The following PDLIM4 variants were observed in gnomAD, a reference collection of about 807,000 sequenced individuals.
The protein encoded by PDLIM4 is PDZ and LIM domain protein 4.
In PDLIM4, 19 loss-of-function variants were observed where a neutral mutation model predicts 31.3. The ratio of observed to expected loss-of-function variants is 0.61; its 90% confidence interval spans 0.42 to 0.89. The LOEUF is 0.89. PDLIM4 is among the 40% of genes least tolerant of loss of function. The pLI is 0.00. For missense variants in PDLIM4, 442 were observed against 461.1 expected (o/e 0.96, Z 0.38); for synonymous variants, 176 against 190.1 (o/e 0.93, Z 0.61).
intron 2 of PDLIM4, among the ~76,000 whole-genome samples, chr5:132,262,977 A>T (rs1756409975): frequency 1.3e-5 from 2 of 152,226 alleles, no homozygotes; most frequent in Middle Eastern, 3.2e-3. Context: ...CTTTTAACTT[A>T]GACTAGAAGT....
rs145433401 is a variant in PDLIM4 at position 132,272,196 on chromosome 5, G to A, written c.960G>A (p.Ala320=). The stretch of plus-strand genomic sequence containing the variant: ...CGCCCGAGGGCTACGACGTGGTGGC[G>A]GTGTACCCCAATGCCAAGGTGGAAC... ...VKPPEGYDVV[A]VYPNAKVELV is the part of the protein sequence containing the mutation. Residue 320 remains alanine, a synonymous_variant, in exon 7 of 7, where the codon GCG becomes GCA. Coordinates refer to ENST00000253754, the MANE Select transcript of PDLIM4 (RefSeq NM_003687.4). 5.4e-5 allele frequency: 87 copies of A among 1,614,166 alleles called. No homozygotes were observed. In the African/African-American group the frequency reaches 9.7e-4, roughly 18 times the overall value.
At chr5:132,265,959 G>A (rs1756482712) in intron 2 of PDLIM4, among the ~76,000 whole-genome samples, 1 of 152,192 alleles carries the variant, frequency 6.6e-6, no homozygotes, top group Non-Finnish European at 1.5e-5. Flanking sequence ...TGATGACTCT[G>A]CCGGCAGCAG....
intron 3 of PDLIM4, among the ~76,000 whole-genome samples, chr5:132,268,080 T>C (rs1267032284): frequency 6.6e-6 from 1 of 152,046 alleles, no homozygotes; most frequent in African/African-American, 2.4e-5. Flanking sequence ...CCTGGGAGGC[T>C]GGCGACTGTA....
chr5:132,271,004 A>G lies in PDLIM4; in HGVS notation c.417A>G (p.Gln139=), dbSNP rs774844584. 5 of 1,613,596 alleles carry G rather than the reference A, an allele frequency of 3.1e-6. No individual in the cohort carries two copies. The Admixed American group carries it at 5.0e-5, about 16-fold the overall frequency. ...CAAGCCTGGGATCTCCATATGGACA[A>G]CCCCCTCGCTTTCCAGTCCCTCACA... The part of the protein sequence containing the change: ...GRPSLGSPYG[Q]PPRFPVPHNG... The change falls in exon 4 of 7, where the codon CAA becomes CAG. Residue 139 remains glutamine, a synonymous_variant. Coordinates refer to ENST00000253754, the MANE Select transcript of PDLIM4 (RefSeq NM_003687.4).
rs770691527 is a variant in PDLIM4 at position 132,271,890 on chromosome 5, G to A, written c.770G>A (p.Arg257His). The stretch of plus-strand genomic sequence containing the variant: ...CTGCAGGGGCTGCCCGAGTGCACGC[G>A]CTGCGGCCACGGCATCGTGTGAGTA... ...SGLQGLPECT[R>H]CGHGIVGTIV... The change falls in exon 6 of 7, where the codon CGC becomes CAC. Residue 257 changes from arginine to histidine, a missense_variant. Coordinates refer to ENST00000253754, the MANE Select transcript of PDLIM4 (RefSeq NM_003687.4). 3 of 1,607,948 alleles carry A rather than the reference G, an allele frequency of 1.9e-6. No homozygotes were observed. In the South Asian group the frequency reaches 3.3e-5, roughly 18 times the overall value.
At chr5:132,259,923 C>T (rs1163293505) in intron 1 of PDLIM4, among the ~76,000 whole-genome samples, 3 of 143,408 alleles carry the variant, frequency 2.1e-5, no homozygotes, top group Non-Finnish European at 4.6e-5. Flanking sequence ...GTAACAGCTC[C>T]CTCCAGTCCC....
chr5:132,259,137 C>CTTTGTGTGTG (rs1361302159), intron 1 of PDLIM4, among the ~76,000 whole-genome samples: 1 of 146,106 alleles, frequency 6.8e-6, no homozygotes, highest in African/African-American at 2.5e-5. Flanking sequence ...AGGATTCCTG[C>CTTTGTGTGTG]TGTGTGTGTG....
chr5:132,271,330 G>A lies in PDLIM4; in HGVS notation c.534G>A (p.Arg178=). Residue 178 remains arginine (R), a synonymous_variant, in exon 5 of 7, where the codon CGG becomes CGA. Transcript: ENST00000253754. ...PSADPARGLP[R]SRDCRVDLGS... is the part of the protein sequence containing the mutation. ...CTGACCCAGCCAGAGGCCTCCCGCG[G>A]AGCCGGGACTGCAGAGTCGACCTGG... The A allele has an allele frequency of 6.3e-7, 1 of 1,598,286 alleles. No individual in the cohort carries two copies. The highest frequency in any genetic ancestry group is 8.5e-7 in the Non-Finnish European group (1 of 1,174,060).
intron 3 of PDLIM4, among the ~76,000 whole-genome samples, chr5:132,269,289 C>T (rs1292093343): frequency 6.6e-6 from 1 of 151,758 alleles, no homozygotes; most frequent in Non-Finnish European, 1.5e-5. Flanking sequence ...CCTCCTTCCT[C>T]CCAGTCCCAG....
rs757653905 is a variant in PDLIM4 at position 132,271,724 on chromosome 5, A to G, written c.671-67A>G. 10 of 1,213,222 alleles carry G rather than the reference A, an allele frequency of 8.2e-6. No individual in the cohort carries two copies. The Admixed American group carries it at 1.2e-4, about 14-fold the overall frequency. The allele number at this position is 1,213,222 out of a possible 1,614,324, so 75.2% of individuals were successfully genotyped here. On this transcript the variant is annotated intron_variant, in intron 5 of 6. Transcript: ENST00000253754. The stretch of plus-strand genomic sequence containing the variant: ...CGATGGCCCGTCTGGCGCCCAACCA[A>G]ACACCCCGCAGAAATGGAGTTCTGA...
intron 3 of PDLIM4, 105 bp from the exon 4 acceptor site, chr5:132,270,810 A>G (rs1245120405): frequency 3.0e-6 from 3 of 987,620 alleles, no homozygotes; most frequent in Non-Finnish European, 4.7e-6. Context: ...GAGGAAGCCA[A>G]CTGACATCCA....
intron 3 of PDLIM4, among the ~76,000 whole-genome samples, chr5:132,268,823 C>G (rs78485904): frequency 6.6e-6 from 1 of 152,166 alleles, no homozygotes; most frequent in Non-Finnish European, 1.5e-5. Flanking sequence ...TAGTTACCCC[C>G]ATCCTGCTGA....
At position 132,272,151 on chromosome 5, in the gene PDLIM4, C is replaced by T. The variant is rs139519076; in HGVS notation, c.915C>T (p.His305=). 1.4e-4 allele frequency: 223 copies of T among 1,614,124 alleles called. No homozygotes were observed. The highest frequency in any genetic ancestry group is 7.1e-4 in the African/African-American group (53 of 74,960). Residue 305 remains histidine (H), a synonymous_variant, in exon 7 of 7, where the codon CAC becomes CAT. Coordinates refer to ENST00000253754, the MANE Select transcript of PDLIM4 (RefSeq NM_003687.4). ...ACGAGCGGCTCTACTGTGAGAGCCA[C>T]GCCAAGGCGCGCGTGAAGCCGCCCG... ...FLDERLYCES[H]AKARVKPPEG... is the part of the protein sequence containing the mutation.
intron 2 of PDLIM4, 90 bp from the exon 3 acceptor site, chr5:132,266,374 C>G: frequency 1.2e-6 from 1 of 805,604 alleles, no homozygotes; most frequent in Non-Finnish European, 2.1e-6. Context: ...CTGCAGGGCA[C>G]AGCCCAGAGC....
chr5:132,268,034 G>A (rs1044276202), intron 3 of PDLIM4, among the ~76,000 whole-genome samples: 1 of 152,148 alleles, frequency 6.6e-6, no homozygotes, highest in Admixed American at 6.5e-5. Context: ...GTGGGGAGGG[G>A]GTTCAGTCTT....
intron 2 of PDLIM4, among the ~76,000 whole-genome samples, chr5:132,266,095 G>A (rs1322940063): frequency 1.3e-5 from 2 of 152,174 alleles, no homozygotes. Flanking sequence ...GCTTCTAGCT[G>A]GTCAATGTGT....
Position 132,272,262 on chromosome 5 carries a change from G to C in PDLIM4, c.*33G>C. 1.9e-6 allele frequency: 3 copies of C among 1,554,274 alleles called. No individual in the cohort carries two copies. The highest frequency in any genetic ancestry group is 2.7e-6 in the Non-Finnish European group (3 of 1,126,480). On this transcript the variant is annotated 3_prime_UTR_variant, in exon 7 of 7. Coordinates refer to ENST00000253754, the MANE Select transcript of PDLIM4 (RefSeq NM_003687.4). ...CCCTGCTCCCACGCCTGCTTCTTAA[G>C]GTCCCTGCTCGGCCGGTGTAAATAT...
At chr5:132,264,702 C>G (rs1186011955) in intron 2 of PDLIM4, among the ~76,000 whole-genome samples, 1 of 152,114 alleles carries the variant, frequency 6.6e-6, no homozygotes, top group Non-Finnish European at 1.5e-5. Flanking sequence ...ACTCTGCTCC[C>G]TATCTTGCCT....
At position 132,271,370 on chromosome 5, in the gene PDLIM4, A is replaced by C; in HGVS notation, c.574A>C (p.Arg192=). The C allele has an allele frequency of 1.2e-6, 2 of 1,606,696 alleles. No individual in the cohort carries two copies. The highest frequency in any genetic ancestry group is 1.7e-6 in the Non-Finnish European group (2 of 1,179,588). Residue 192 remains arginine, a synonymous_variant, in exon 5 of 7, where the codon AGG becomes CGG. Transcript: ENST00000253754. ...AGTCGACCTGGGCTCCGAGGTGTAC[A>C]GGATGCTGCGGGAGCCAGCCGAGCC... The part of the protein sequence containing the change: ...CRVDLGSEVY[R]MLREPAEPVA...
Sources: gnomAD v4.1 joint callset for allele counts (sites outside exome capture counted in the v4.1 genomes callset) on GRCh38, gnomAD v4.1.1 for gene constraint, MANE v1.5 for transcripts, NCBI Gene and HGNC (gene_info 2026-07-23, HGNC 2026-07-21) for gene names.